The following NUP210 variants were observed in gnomAD, a reference collection of about 807,000 sequenced individuals.
NUP210 encodes the protein nuclear pore membrane glycoprotein 210.
NUP210 carries 151 observed loss-of-function variants against 196.0 expected under a neutral mutation model. That is an observed-to-expected ratio of 0.77 (90% confidence interval 0.67 to 0.88). NUP210 has a LOEUF of 0.88. Among genes scored for constraint, NUP210 ranks in the 40% least tolerant of loss-of-function variants. NUP210 has a pLI of 0.00. For synonymous variants in NUP210, 1,070 were observed against 1,052.7 expected (o/e 1.02, Z -0.32); for missense variants, 2,314 against 2,493.7 (o/e 0.93, Z 1.53).
chr3:13,328,096 CAAG>C (rs958630723), intron 31 of NUP210, among the ~76,000 whole-genome samples: 7 of 152,226 alleles, frequency 4.6e-5, no homozygotes, highest in South Asian at 2.1e-4. Flanking sequence ...GCTCCTGCTA[CAAG>C]AAGGCCAGAA....
chr3:13,374,107 C>T (rs768050959), intron 11 of NUP210, among the ~76,000 whole-genome samples: 4 of 152,142 alleles, frequency 2.6e-5, no homozygotes, highest in Non-Finnish European at 5.9e-5. Flanking sequence ...CTCACATCCA[C>T]AGTGCACACC....
At chr3:13,322,129 G>C in intron 35 of NUP210, 64 bp downstream of exon 35, 1 of 1,581,636 alleles carries the variant, frequency 6.3e-7, no homozygotes, top group Non-Finnish European at 8.7e-7. Flanking sequence ...CGTGGAAGCC[G>C]CAAGATGCCC....
Position 13,319,171 on chromosome 3 carries a change from G to A in NUP210, c.5480-16C>T. The A allele has an allele frequency of 6.2e-7, 1 of 1,611,934 alleles. No individual in the cohort carries two copies. Among genetic ancestry groups the A allele is most frequent in the Non-Finnish European group, 8.5e-7 (1 of 1,179,112 alleles). On this transcript the variant is annotated splice_polypyrimidine_tract_variant and intron_variant, in intron 38 of 39. Coordinates refer to ENST00000254508, the MANE Select transcript of NUP210 (RefSeq NM_024923.4). ...GTGTGGTAGGCTGCAAGAGCACAGG[G>A]TTGGTTAGAGCAGGTCGGGGCAGGG...
chr3:13,402,626 G>A (rs890253432), intron 1 of NUP210, among the ~76,000 whole-genome samples: 9 of 152,096 alleles, frequency 5.9e-5, no homozygotes, highest in Admixed American at 1.3e-4. Context: ...CCATGTAGCA[G>A]GGCTACATTA....
intron 3 of NUP210, among the ~76,000 whole-genome samples, chr3:13,394,298 G>C (rs1281959251): frequency 6.6e-6 from 1 of 152,230 alleles, no homozygotes; most frequent in Non-Finnish European, 1.5e-5. Context: ...GCTGATGCAA[G>C]AGGCACGGGT....
At chr3:13,393,108 C>T (rs899515677) in intron 3 of NUP210, among the ~76,000 whole-genome samples, 12 of 152,312 alleles carry the variant, frequency 7.9e-5, no homozygotes, top group Admixed American at 6.5e-4. Flanking sequence ...GGGCTTCCAC[C>T]CAGCTCAGCT....
intron 9 of NUP210, 33 bp downstream of exon 9, chr3:13,377,423 A>T (rs1698950703): frequency 6.7e-7 from 1 of 1,499,730 alleles, no homozygotes; most frequent in Admixed American, 1.7e-5. Flanking sequence ...ACCCCACCTC[A>T]TCCCCCCAGC....
In NUP210 at chr3:13,330,638, T is replaced by C; in HGVS notation, c.3936-4A>G. 1 of 1,613,168 alleles carries C rather than the reference T, an allele frequency of 6.2e-7. No individual in the cohort carries two copies. Among genetic ancestry groups the C allele is most frequent in the Non-Finnish European group, 8.5e-7 (1 of 1,179,560 alleles). ...GCTCAGAGAGGCTGCACCATCCCTT[T>C]GGAAAACAAAACAGAGCTGTTTTTG... On this transcript the variant is annotated splice_polypyrimidine_tract_variant and splice_region_variant and intron_variant, in intron 29 of 39. Transcript: ENST00000254508.
chr3:13,335,305 CCCACTGCGATGGA>C, intron 28 of NUP210, 136 bp downstream of exon 28: 1 of 888,790 alleles, frequency 1.1e-6, no homozygotes, highest in Non-Finnish European at 1.7e-6. Context: ...GGATGTTTAC[CCCACTGCGATGGA>C]CCACTGTCAT....
chr3:13,318,923 G>T (rs550916943), intron 39 of NUP210, 149 bp downstream of exon 39: 1 of 707,896 alleles, frequency 1.4e-6, no homozygotes, highest in Non-Finnish European at 2.3e-6. Context: ...GACCCTCCTG[G>T]CTCCCACATC....
rs140003594 is a variant in NUP210 at position 13,375,479 on chromosome 3, C to T, written c.1431+25G>A. On this transcript the variant is annotated intron_variant, in intron 11 of 39. Transcript: ENST00000254508. ...CCCATGAAAACACCAAAGGAATGCA[C>T]GCAGAGGTGAGGGGTCTCACGTACC... 88 of 1,605,584 alleles carry T rather than the reference C, an allele frequency of 5.5e-5. No individual in the cohort carries two copies. In the African/African-American group the frequency reaches 8.7e-4, roughly 16 times the overall value.
At chr3:13,355,712 C>T (rs567339151) in intron 16 of NUP210, among the ~76,000 whole-genome samples, 7 of 152,328 alleles carry the variant, frequency 4.6e-5, no homozygotes, top group Non-Finnish European at 8.8e-5. Context: ...AGGCCAGCAC[C>T]ATCAGCAGGC....
At chr3:13,318,281 G>A (rs914057132) in intron 39 of NUP210, among the ~76,000 whole-genome samples, 29 of 152,154 alleles carry the variant, frequency 1.9e-4, no homozygotes, top group Non-Finnish European at 2.5e-4. Context: ...CAGCAGAGCC[G>A]CGAGGAGGCC....
At chr3:13,407,172 GAA>G (rs1400142710) in intron 1 of NUP210, among the ~76,000 whole-genome samples, 3 of 152,168 alleles carry the variant, frequency 2.0e-5, no homozygotes, top group African/African-American at 4.8e-5. Context: ...TCAGATCTAG[GAA>G]AAAGGAGGGG....
At chr3:13,381,742 G>A (rs1427939705) in intron 6 of NUP210, among the ~76,000 whole-genome samples, 12 of 152,132 alleles carry the variant, frequency 7.9e-5, no homozygotes, top group Admixed American at 5.2e-4. Context: ...TCTGCAGGGG[G>A]TGAACAGCTG....
At chr3:13,345,980 T>G (rs1157617161) in intron 20 of NUP210, among the ~76,000 whole-genome samples, 1 of 152,258 alleles carries the variant, frequency 6.6e-6, no homozygotes, top group Non-Finnish European at 1.5e-5. Context: ...GTGCACCGAC[T>G]GCGGAGCCCC....
intron 18 of NUP210, 69 bp from the exon 19 acceptor site, chr3:13,352,253 C>G (rs1698005108): frequency 1.7e-6 from 2 of 1,200,762 alleles, no homozygotes; most frequent in Non-Finnish European, 2.4e-6. Context: ...GAAGAACAGG[C>G]CCAAAAGCCC....
At chr3:13,321,561 C>T in intron 36 of NUP210, 24 bp downstream of exon 36, 3 of 1,608,112 alleles carry the variant, frequency 1.9e-6, no homozygotes, top group Non-Finnish European at 2.6e-6. Context: ...CCGGCCTGGC[C>T]TGAGGCATGC....
In NUP210 at chr3:13,375,512, T is replaced by C; in HGVS notation, c.1423A>G (p.Thr475Ala). The C allele has an allele frequency of 6.2e-7, 1 of 1,614,132 alleles. No individual in the cohort carries two copies. Among genetic ancestry groups the C allele is most frequent in the Non-Finnish European group, 8.5e-7 (1 of 1,180,002 alleles). ...TGAGGGGTCTCACGTACCCTTATTG[T>C]GTACTGATAGGCGCCCGTCTTTGGT... ...WQPKTGAYQY[T>A]IRAHGGSGNF... is the part of the protein sequence containing the mutation. The change falls in exon 11 of 40, where the codon ACA becomes GCA. Residue 475 changes from threonine (T) to alanine (A), a missense_variant. Physicochemically the swap from Thr to Ala is moderately conservative, Grantham distance 58 (BLOSUM62 0). Coordinates refer to ENST00000254508, the MANE Select transcript of NUP210 (RefSeq NM_024923.4).
Sources: allele counts gnomAD v4.1 joint callset (sites outside exome capture counted in the v4.1 genomes callset), GRCh38; gene constraint gnomAD v4.1.1; transcripts MANE v1.5; gene names NCBI Gene and HGNC (gene_info 2026-07-23, HGNC 2026-07-21).